PAX8: variants seen among roughly 807,000 people sequenced by gnomAD.
PAX8 encodes the protein paired box 8, also known as paired box protein Pax-8.
PAX8 carries 15 observed loss-of-function variants against 52.4 expected under a neutral mutation model. That is an observed-to-expected ratio of 0.29 (90% CI 0.19 to 0.44). The LOEUF (loss-of-function observed/expected upper bound fraction) is 0.44. PAX8 is among the 20% of genes least tolerant of loss of function. The pLI, the probability that PAX8 is intolerant of heterozygous loss-of-function variation, is 1.00. For missense variants in PAX8, 554 were observed against 602.5 expected, an observed-to-expected ratio of 0.92 and a Z score of 0.84; for synonymous variants, 284 against 249.7, an observed-to-expected ratio of 1.14 and a Z score of -1.29.
chr2:113,276,045 C>G (rs1693790525), intron 2 of PAX8: 1 of 152,250 alleles, frequency 6.6e-6, no homozygotes, highest in Non-Finnish European at 1.5e-5. Context: ...GTCCCGGGCT[C>G]TGCTCACAGA....
At chr2:113,250,433 A>G (rs1372584120) in intron 2 of PAX8, among the ~76,000 whole-genome samples, 1 of 152,236 alleles carries the variant, frequency 6.6e-6, no homozygotes, top group Non-Finnish European at 1.5e-5. Flanking sequence ...GTGTTTTCTC[A>G]AACTTCAGTG....
At chr2:113,224,712 G>T (rs1048387541) in intron 10 of PAX8, among the ~76,000 whole-genome samples, 2 of 151,778 alleles carry the variant, frequency 1.3e-5, no homozygotes, top group Non-Finnish European at 2.9e-5. Context: ...TAGATGACTG[G>T]ATGGATCCAT....
At chr2:113,220,228 C>T in intron 10 of PAX8, 50 bp from the exon 11 acceptor site, 1 of 1,440,380 alleles carries the variant, frequency 6.9e-7, no homozygotes, top group Non-Finnish European at 9.8e-7. Flanking sequence ...GGCATCAATG[C>T]AGGGCTGGGG....
At chr2:113,261,421 T>G (rs1488251875) in intron 2 of PAX8, among the ~76,000 whole-genome samples, 1 of 152,038 alleles carries the variant, frequency 6.6e-6, no homozygotes, top group Non-Finnish European at 1.5e-5. Flanking sequence ...CCTTCCTATG[T>G]GACAAAACAC....
At chr2:113,232,555 C>G (rs1689961253) in intron 9 of PAX8, among the ~76,000 whole-genome samples, 1 of 152,198 alleles carries the variant, frequency 6.6e-6, no homozygotes, top group Admixed American at 6.5e-5. Flanking sequence ...TGTCTGCTGC[C>G]AGCTGTTTTG....
At chr2:113,229,288 A>C (rs891547942) in intron 9 of PAX8, among the ~76,000 whole-genome samples, 2 of 152,228 alleles carry the variant, frequency 1.3e-5, no homozygotes, top group Non-Finnish European at 2.9e-5. Context: ...ATGGAAAAAA[A>C]AACATAGCTG....
chr2:113,235,629 G>C (rs200671132), intron 8 of PAX8, 47 bp from the exon 9 acceptor site: 4 of 1,498,834 alleles, frequency 2.7e-6, no homozygotes, highest in Middle Eastern at 1.8e-4. Flanking sequence ...GTGAGATGGC[G>C]GGGAGGGAAC....
At chr2:113,221,305 C>A (rs1231055997) in intron 10 of PAX8, among the ~76,000 whole-genome samples, 3 of 152,184 alleles carry the variant, frequency 2.0e-5, no homozygotes, top group Admixed American at 2.0e-4. Flanking sequence ...TGAATGTCCA[C>A]CCAGCCTTTC....
At chr2:113,249,657 C>T (rs963870384) in intron 2 of PAX8, among the ~76,000 whole-genome samples, 1 of 152,184 alleles carries the variant, frequency 6.6e-6, no homozygotes, top group Non-Finnish European at 1.5e-5. Flanking sequence ...GACTGACTCG[C>T]ATCCTTAGAA....
chr2:113,243,537 A>G (rs542364921), intron 4 of PAX8, among the ~76,000 whole-genome samples: 2 of 152,058 alleles, frequency 1.3e-5, no homozygotes, highest in African/African-American at 2.4e-5. Context: ...GATTACAGGC[A>G]CTCGCCACCA....
rs1468165017 is a variant in PAX8, at chr2:113,235,483, T to G, written c.998A>C (p.Gln333Pro). The G allele has an allele frequency of 4.3e-6, 7 of 1,613,778 alleles. No homozygotes were observed. The highest frequency in any genetic ancestry group is 1.1e-5 in the South Asian group (1 of 91,036). ...GGGCGGGACCCCGGAGCCGACTTGCTGCAGATCCAAAAAGGCGGAGCTAGA... is the reference window on the plus strand; with the variant it reads ...GGGCGGGACCCCGGAGCCGACTTGCGGCAGATCCAAAAAGGCGGAGCTAGA... ...SLSSSAFLDL[Q>P]QVGSGVPPFN... Residue 333 changes from glutamine (Q) to proline (P), a missense_variant, in exon 9 of 12, where the codon CAG (glutamine) becomes CCG (proline). Coordinates refer to ENST00000429538, the MANE Select transcript of PAX8 (RefSeq NM_003466.4).
chr2:113,268,576 C>T (rs1693245331), intron 2 of PAX8: 1 of 152,234 alleles, frequency 6.6e-6, no homozygotes. Context: ...TCAAGTAACT[C>T]AAGTCTGGAA....
chr2:113,248,708 CAGCACTT>C (rs1691519086), intron 2 of PAX8, among the ~76,000 whole-genome samples: 1 of 151,978 alleles, frequency 6.6e-6, no homozygotes, highest in African/African-American at 2.4e-5. Flanking sequence ...TCTGTAATCC[CAGCACTT>C]TGGGAGGCTG....
At position 113,224,616 on chromosome 2, in the gene PAX8, G is replaced by A. The variant is rs1307543250; in HGVS notation, c.1189+2539C>T. 4.0e-5 allele frequency among the ~76,000 whole-genome samples: 6 copies of A among 151,164 alleles called. No homozygotes were observed. In the South Asian group the frequency reaches 6.3e-4, roughly 16 times the overall value. On this transcript the variant is annotated intron_variant, in intron 10 of 11. Coordinates refer to ENST00000429538, the MANE Select transcript of PAX8 (RefSeq NM_003466.4). The stretch of plus-strand genomic sequence containing the variant: ...GATCGGTGGAAAGGTGGAGGATGAC[G>A]GGATGGATGATGAAAGATAGAAGGA...
chr2:113,234,422 G>A lies in PAX8; in HGVS notation c.1087+972C>T, dbSNP rs181163509. ...ATGGTGCTCCTGCCCAGAGACCTTG[G>A]CAGGGACCTTCTCCTCCCTGGGCCA... On this transcript the variant is annotated intron_variant, in intron 9 of 11. Coordinates refer to ENST00000429538, the MANE Select transcript of PAX8 (RefSeq NM_003466.4). Among the ~76,000 whole-genome samples the A allele has an allele frequency of 1.9e-3, 285 of 152,364 alleles. 1 individual carries two copies. The highest frequency in any genetic ancestry group is 3.5e-3 in the Admixed American group (54 of 15,298).
In PAX8 at chr2:113,227,320, T is replaced by C. The variant is rs1689641910; in HGVS notation, c.1088-64A>G. 5 of 1,308,912 alleles carry C rather than the reference T, an allele frequency of 3.8e-6. No individual in the cohort carries two copies. In the East Asian group the frequency reaches 1.2e-4, roughly 33 times the overall value. The allele number at this position is 1,308,912 out of a possible 1,614,324, so 81.1% of individuals were successfully genotyped here. ...GGGGCTCCCATATGTATCATCTCAC[T>C]CTCCTGAGGCTGTCTTCCTCCATGC... On this transcript the variant is annotated intron_variant, in intron 9 of 11. Transcript: ENST00000429538.
At chr2:113,243,522 G>A (rs1254576871) in intron 4 of PAX8, among the ~76,000 whole-genome samples, 1 of 152,072 alleles carries the variant, frequency 6.6e-6, no homozygotes, top group Non-Finnish European at 1.5e-5. Flanking sequence ...CTCCCAAGTA[G>A]CTAGGATTAC....
intron 9 of PAX8, among the ~76,000 whole-genome samples, chr2:113,233,353 G>C (rs1442004535): frequency 9.3e-5 from 14 of 150,332 alleles, no homozygotes; most frequent in African/African-American, 2.9e-4. Context: ...AAACCCGGGT[G>C]CCAGCCAGAA....
chr2:113,250,049 C>CAAGTCTA (rs1253560107), intron 2 of PAX8, among the ~76,000 whole-genome samples: 1 of 151,926 alleles, frequency 6.6e-6, no homozygotes, highest in African/African-American at 2.4e-5. Context: ...GGGTGGATCA[C>CAAGTCTA]GAGGTCAGGA....
Sources: allele counts gnomAD v4.1 joint callset (sites outside exome capture counted in the v4.1 genomes callset), GRCh38; gene constraint gnomAD v4.1.1; transcripts MANE v1.5; gene names NCBI Gene and HGNC (gene_info 2026-07-23, HGNC 2026-07-21).